FBN2: variants seen among roughly 807,000 people sequenced by gnomAD.
FBN2 encodes the protein fibrillin 2.
In FBN2, 105 loss-of-function variants were observed where a neutral mutation model predicts 355.6. The observed-to-expected ratio is 0.30, with a 90% CI of 0.25 to 0.35. The LOEUF (loss-of-function observed/expected upper bound fraction) is 0.35, where lower values mean the gene tolerates loss of function less well. Ranked by LOEUF, FBN2 falls within the 10% of genes least tolerant of loss-of-function variation. The pLI, the probability that FBN2 is intolerant of heterozygous loss-of-function variation, is 1.00. For synonymous variants in FBN2, 1,350 were observed against 1,301.2 expected, an observed-to-expected ratio of 1.04 and a Z score of -0.81; for missense variants, 3,280 against 3,758.7, an observed-to-expected ratio of 0.87 and a Z score of 3.33.
At chr5:128,340,796 GCTCTCTCTTTCT>G (rs1750993395) in intron 25 of FBN2, among the ~76,000 whole-genome samples, 1 of 151,608 alleles carries the variant, frequency 6.6e-6, no homozygotes, top group South Asian at 2.1e-4. Context: ...CATAGAAAGT[GCTCTCTCTTTCT>G]CTCTCTCTCC....
chr5:128,450,906 T>C (rs928633108), intron 6 of FBN2, among the ~76,000 whole-genome samples: 3 of 152,140 alleles, frequency 2.0e-5, no homozygotes, highest in South Asian at 4.1e-4. Context: ...TTGCAACAAA[T>C]GTTAAAGATA....
At chr5:128,512,351 A>T (rs551575932) in intron 5 of FBN2, among the ~76,000 whole-genome samples, 93 of 152,026 alleles carry the variant, frequency 6.1e-4, no homozygotes, top group Admixed American at 1.8e-3. Context: ...ATCTCTATTA[A>T]AAGTACAAAA....
At chr5:128,290,202 C>T (rs770896668) in intron 50 of FBN2, among the ~76,000 whole-genome samples, 6 of 152,198 alleles carry the variant, frequency 3.9e-5, no homozygotes, top group Non-Finnish European at 8.8e-5. Context: ...AAGAGAACTT[C>T]CCTGCCCATC....
At chr5:128,393,024 C>T in intron 10 of FBN2, 111 bp downstream of exon 10, 1 of 870,076 alleles carries the variant, frequency 1.1e-6, no homozygotes, top group Non-Finnish European at 2.0e-6. Flanking sequence ...CACACACACA[C>T]ATGTGCAAGT....
chr5:128,318,144 C>G lies in FBN2; in HGVS notation c.4717+5G>C. ...TATTTGTTTGTTTCATATAGCTTTA[C>G]TTACCAACACAACCCACACCAGTTG... On this transcript the variant is annotated splice_donor_5th_base_variant and intron_variant, in intron 36 of 64. Coordinates refer to ENST00000262464, the MANE Select transcript of FBN2 (RefSeq NM_001999.4). 1 of 1,614,008 alleles carries G rather than the reference C, an allele frequency of 6.2e-7. No homozygotes were observed. The highest frequency in any genetic ancestry group is 8.5e-7 in the Non-Finnish European group (1 of 1,179,886).
Position 128,335,118 on chromosome 5 carries a change from G to C in FBN2, c.3973+52C>G, listed in dbSNP as rs76351819. On this transcript the variant is annotated intron_variant, in intron 30 of 64. Coordinates refer to ENST00000262464, the MANE Select transcript of FBN2 (RefSeq NM_001999.4). Reference sequence around the variant, plus strand: ...TTTATCACGCTTGTGTGTGCATGTGGGTGTGTGTGCATGTGTGTGTATAAA... The same window carrying C: ...TTTATCACGCTTGTGTGTGCATGTGCGTGTGTGTGCATGTGTGTGTATAAA... 62,490 of 1,608,726 alleles carry C rather than the reference G, an allele frequency of 0.039. 1,518 individuals are homozygous for C. The highest frequency in any genetic ancestry group is 0.045 in the Non-Finnish European group (53,142 of 1,175,396).
At position 128,289,124 on chromosome 5, in the gene FBN2, C is replaced by T; in HGVS notation, c.6637+3G>A. The T allele has an allele frequency of 6.2e-7, 1 of 1,613,914 alleles. No individual in the cohort carries two copies. The highest frequency in any genetic ancestry group is 1.1e-5 in the South Asian group (1 of 91,082). ...AATTCTGTAATGTGGAGCCAACACT[C>T]ACCCACACAGCGTACTCCAGTGTAG... On this transcript the variant is annotated splice_donor_region_variant and intron_variant, in intron 52 of 64. Coordinates refer to ENST00000262464, the MANE Select transcript of FBN2 (RefSeq NM_001999.4).
intron 5 of FBN2, among the ~76,000 whole-genome samples, chr5:128,475,422 T>C (rs1581328916): frequency 6.6e-6 from 1 of 152,090 alleles, no homozygotes; most frequent in African/African-American, 2.4e-5. Context: ...AAAAAAGGGA[T>C]GGTCACTGCT....
intron 59 of FBN2, among the ~76,000 whole-genome samples, chr5:128,274,910 A>G (rs538496522): frequency 9.8e-5 from 15 of 152,352 alleles, no homozygotes; most frequent in African/African-American, 3.6e-4. Context: ...GCAATATATA[A>G]CATAAGAAAC....
At position 128,261,831 on chromosome 5, in the gene FBN2, G is replaced by C. The variant is rs768643863; in HGVS notation, c.8269C>G (p.Leu2757Val). The C allele has an allele frequency of 1.2e-6, 2 of 1,613,990 alleles. No individual in the cohort carries two copies. The highest frequency in any genetic ancestry group is 1.6e-4 in the Middle Eastern group (1 of 6,062). The change falls in exon 64 of 65, where the codon CTG becomes GTG. Residue 2757 changes from leucine to valine, a missense_variant. Physicochemically the swap from Leu to Val is conservative, Grantham distance 32. Coordinates refer to ENST00000262464, the MANE Select transcript of FBN2 (RefSeq NM_001999.4). ...CACTCGTAGCATGCTTCTGGGGACA[G>C]AGCATTTTCCTCATCGACCTCTGTA... ...LDTEVDEENA[L>V]SPEACYECKI...
chr5:128,449,433 CTG>C (rs1561462786), intron 6 of FBN2, among the ~76,000 whole-genome samples: 2 of 137,546 alleles, frequency 1.5e-5, no homozygotes, highest in Non-Finnish European at 3.1e-5. Context: ...TAATAGTATA[CTG>C]TATAATTATA....
intron 4 of FBN2, among the ~76,000 whole-genome samples, chr5:128,521,712 G>A (rs142512236): frequency 6.6e-6 from 1 of 152,218 alleles, no homozygotes; most frequent in Non-Finnish European, 1.5e-5. Context: ...GCCAGCCTTT[G>A]GGGAAAAGCT....
At chr5:128,360,490 A>C (rs779436170) in intron 19 of FBN2, among the ~76,000 whole-genome samples, 3 of 152,144 alleles carry the variant, frequency 2.0e-5, no homozygotes, top group Non-Finnish European at 4.4e-5. Context: ...GTTCCTGAAA[A>C]GATGTTGGAC....
chr5:128,456,020 A>AAAAAAAAAAAAAC (rs1420577285), intron 6 of FBN2, among the ~76,000 whole-genome samples: 1 of 148,590 alleles, frequency 6.7e-6, no homozygotes, highest in African/African-American at 2.5e-5. Context: ...AAAAAAAAAA[A>AAAAAAAAAAAAAC]AAAGCAACTG....
chr5:128,457,866 A>T (rs534292999), intron 6 of FBN2, among the ~76,000 whole-genome samples: 1 of 152,078 alleles, frequency 6.6e-6, no homozygotes, highest in South Asian at 2.1e-4. Context: ...AAAAAACAAA[A>T]TATAAAGACC....
rs115999707 is a variant in FBN2, at chr5:128,409,290, A to T, written c.953-491T>A. Among the ~76,000 whole-genome samples the T allele has an allele frequency of 5.6e-3, 860 of 152,242 alleles. 10 individuals carry two copies. Among genetic ancestry groups the T allele is most frequent in the African/African-American group, 0.019 (786 of 41,534 alleles). The stretch of plus-strand genomic sequence containing the variant: ...TATGTTTTTGTACTTACATTTGAAT[A>T]TGGGAGTATTTGACATTCTGGGAAC... On this transcript the variant is annotated intron_variant, in intron 7 of 64. Transcript: ENST00000262464.
At chr5:128,431,296 G>T (rs907429209) in intron 7 of FBN2, among the ~76,000 whole-genome samples, 2 of 151,634 alleles carry the variant, frequency 1.3e-5, no homozygotes, top group Non-Finnish European at 2.9e-5. Flanking sequence ...AATTAAAATC[G>T]CTTTCTAATA....
intron 5 of FBN2, among the ~76,000 whole-genome samples, chr5:128,493,636 T>C (rs1755570778): frequency 6.6e-6 from 1 of 152,216 alleles, no homozygotes; most frequent in South Asian, 2.1e-4. Context: ...AAATATTTTA[T>C]GTTAGCACTT....
intron 7 of FBN2, among the ~76,000 whole-genome samples, chr5:128,437,737 C>T (rs920152970): frequency 1.3e-5 from 2 of 150,250 alleles, no homozygotes; most frequent in African/African-American, 4.9e-5. Context: ...AGAGAGTAGT[C>T]TAGATAGATA....
Sources: gnomAD v4.1 joint callset for allele counts (sites outside exome capture counted in the v4.1 genomes callset) on GRCh38, gnomAD v4.1.1 for gene constraint, MANE v1.5 for transcripts, NCBI Gene and HGNC (gene_info 2026-07-23, HGNC 2026-07-21) for gene names.